Variants in ACSM3 observed in about 807,000 individuals in gnomAD.
ACSM3 encodes the protein acyl-coenzyme A synthetase ACSM3, mitochondrial.
In ACSM3, 61 loss-of-function variants were observed where a neutral mutation model predicts 74.1. The observed-to-expected ratio is 0.82, with a 90% CI of 0.67 to 1.02. The LOEUF (loss-of-function observed/expected upper bound fraction) is 1.02. Among genes scored for constraint, ACSM3 ranks in the 50% least tolerant of loss-of-function variants. The pLI, the probability that ACSM3 is intolerant of heterozygous loss-of-function variation, is 0.00. For missense variants in ACSM3, 660 were observed against 697.0 expected, an observed-to-expected ratio of 0.95 and a Z score of 0.60; for synonymous variants, 213 against 241.5, an observed-to-expected ratio of 0.88 and a Z score of 1.09.
At chr16:20,717,194 G>A (rs2079764887) in intron 1 of ACSM3, among the ~76,000 whole-genome samples, 1 of 152,158 alleles carries the variant, frequency 6.6e-6, no homozygotes, top group African/African-American at 2.4e-5. Context: ...ATGGGGCAAG[G>A]GAAGAAGGCT....
At chr16:20,778,031 A>G (rs2080277470) in intron 4 of ACSM3, among the ~76,000 whole-genome samples, 1 of 152,228 alleles carries the variant, frequency 6.6e-6, no homozygotes, top group Non-Finnish European at 1.5e-5. Context: ...CCTAGGAGTC[A>G]AGACCTTTAA....
At chr16:20,789,395 A>G (rs752664901) in intron 9 of ACSM3, 116 of 999,576 alleles carry the variant, frequency 1.2e-4, no homozygotes, top group Non-Finnish European at 1.7e-4. Context: ...TTAAGTACTT[A>G]ATAAATGCTA....
At chr16:20,739,176 A>G in intron 1 of ACSM3, 1 of 793,646 alleles carries the variant, frequency 1.3e-6, no homozygotes, top group Non-Finnish European at 1.8e-6. Context: ...CTCAGTATTG[A>G]TTTTTTTTTT....
chr16:20,771,122 T>C (rs1194489430), intron 2 of ACSM3, among the ~76,000 whole-genome samples: 1 of 152,164 alleles, frequency 6.6e-6, no homozygotes, highest in Non-Finnish European at 1.5e-5. Context: ...AGTGCGGTGG[T>C]GTGATCTCAG....
intron 1 of ACSM3, chr16:20,735,967 C>A (rs1172815403): frequency 6.6e-6 from 1 of 152,152 alleles, no homozygotes; most frequent in Non-Finnish European, 1.5e-5. Context: ...AAATAATTTG[C>A]TTCTTAAACC....
intron 1 of ACSM3, among the ~76,000 whole-genome samples, chr16:20,713,348 T>C (rs894891944): frequency 6.6e-6 from 1 of 152,214 alleles, no homozygotes; most frequent in African/African-American, 2.4e-5. Context: ...GGTAGTGGTA[T>C]TTATATTATT....
At chr16:20,752,352 T>A (rs558747139) in intron 2 of ACSM3, among the ~76,000 whole-genome samples, 3 of 152,146 alleles carry the variant, frequency 2.0e-5, no homozygotes, top group South Asian at 2.1e-4. Flanking sequence ...AAAAAAAAAA[T>A]TCACTTCTGC....
intron 1 of ACSM3, among the ~76,000 whole-genome samples, chr16:20,688,793 GA>G (rs2079600172): frequency 6.6e-6 from 1 of 151,902 alleles, no homozygotes. Flanking sequence ...TGAAATAAAA[GA>G]ATGCTGGAGA....
chr16:20,713,719 C>T (rs558429257), intron 1 of ACSM3, among the ~76,000 whole-genome samples: 14 of 152,216 alleles, frequency 9.2e-5, no homozygotes, highest in African/African-American at 2.2e-4. Context: ...AATTTACAAA[C>T]GATAAAGGAC....
At chr16:20,707,037 T>G (rs1192620318) in intron 1 of ACSM3, among the ~76,000 whole-genome samples, 1 of 152,066 alleles carries the variant, frequency 6.6e-6, no homozygotes, top group Non-Finnish European at 1.5e-5. Context: ...CCTTGCCAAC[T>G]TCAGTCACAT....
intron 2 of ACSM3, among the ~76,000 whole-genome samples, chr16:20,771,041 C>G (rs2152455980): frequency 6.6e-6 from 1 of 152,324 alleles, no homozygotes; most frequent in South Asian, 2.1e-4. Context: ...ATGCTCCTCT[C>G]CCCACTACCG....
chr16:20,729,022 T>C lies in ACSM3; in HGVS notation c.-189-20888T>C, dbSNP rs190415697. The stretch of plus-strand genomic sequence containing the variant: ...ATCCAGAAGGCTGAGGCGACAGGAT[T>C]GCTACAGCCTGGGAGGTCAAGGCTG... On this transcript the variant is annotated intron_variant, in intron 1 of 3. Coordinates refer to the ACSM3 transcript ENST00000561584. Among the ~76,000 whole-genome samples, 16 of 152,288 alleles carry C rather than the reference T, an allele frequency of 1.1e-4. No individual in the cohort carries two copies. In the East Asian group the frequency reaches 2.9e-3, roughly 28 times the overall value.
chr16:20,734,442 T>C (rs1276636119), intron 1 of ACSM3: 2 of 152,538 alleles, frequency 1.3e-5, no homozygotes, highest in Admixed American at 6.5e-5. Flanking sequence ...GTCCTGCCTA[T>C]TCTCTTTGCC....
At chr16:20,727,279 T>C (rs2079809881) in intron 1 of ACSM3, 1 of 524,874 alleles carries the variant, frequency 1.9e-6, no homozygotes. Context: ...AATGTCCTAA[T>C]TATCTTGCAG....
At chr16:20,755,627 T>TTTATTATTATTATTA (rs71149182) in intron 3 of ACSM3, 2,894 of 146,066 alleles carry the variant, frequency 0.02, 89 homozygotes, top group African/African-American at 0.063. Context: ...GTAAGTGCTT[T>TTTATTATTATTATTA]TTATTATTAT....
At chr16:20,695,138 G>A (rs915079343) in intron 1 of ACSM3, among the ~76,000 whole-genome samples, 1 of 152,286 alleles carries the variant, frequency 6.6e-6, no homozygotes, top group East Asian at 1.9e-4. Context: ...TCACATGAGA[G>A]GGCCAAACAC....
chr16:20,721,506 T>C (rs2079785427), intron 1 of ACSM3: 2 of 152,140 alleles, frequency 1.3e-5, no homozygotes, highest in Admixed American at 6.5e-5. Flanking sequence ...TGGAAGAGGA[T>C]GAGTAGAAAA....
At chr16:20,735,854 A>G (rs1394912947) in intron 1 of ACSM3, 1 of 152,322 alleles carries the variant, frequency 6.6e-6, no homozygotes, top group African/African-American at 2.4e-5. Context: ...TATTGAGAAT[A>G]AAGTCTCTTC....
chr16:20,769,463 A>G (rs184098751), intron 1 of ACSM3, among the ~76,000 whole-genome samples: 2 of 152,246 alleles, frequency 1.3e-5, no homozygotes, highest in Non-Finnish European at 1.5e-5. Flanking sequence ...ATAAACTGTG[A>G]CAGTGCTTTC....
Sources: gnomAD v4.1 joint callset for allele counts (sites outside exome capture counted in the v4.1 genomes callset) on GRCh38, gnomAD v4.1.1 for gene constraint, MANE v1.5 for transcripts, NCBI Gene and HGNC (gene_info 2026-07-23, HGNC 2026-07-21) for gene names.